Variants in RTTN observed in about 807,000 individuals in gnomAD.
The protein encoded by RTTN is rotatin.
Under a neutral mutation model 269.2 loss-of-function variants are expected in RTTN, and 182 were observed. The ratio of observed to expected loss-of-function variants is 0.68; its 90% CI spans 0.60 to 0.76. The LOEUF (loss-of-function observed/expected upper bound fraction) is 0.76, where lower values mean the gene tolerates loss of function less well. Ranked by LOEUF, RTTN falls within the 30% of genes least tolerant of loss-of-function variation. The probability of loss-of-function intolerance (pLI) is 0.00; values close to 1 mark genes in which losing one functional copy is unlikely to be tolerated. For missense variants in RTTN, 2,545 were observed against 2,608.6 expected (o/e 0.98, Z 0.53); for synonymous variants, 1,006 against 963.5 (o/e 1.04, Z -0.82).
At chr18:70,186,475 C>T (rs764695762) in intron 10 of RTTN, among the ~76,000 whole-genome samples, 8 of 152,218 alleles carry the variant, frequency 5.3e-5, no homozygotes, top group Non-Finnish European at 1.0e-4. Flanking sequence ...ATGGCTCAGC[C>T]GGGCGCGGTG....
chr18:70,138,154 C>T (rs897824786), intron 21 of RTTN: 5 of 152,378 alleles, frequency 3.3e-5, no homozygotes, highest in Non-Finnish European at 7.3e-5. Context: ...TGGCAGGCAC[C>T]TGTAATCCCA....
intron 18 of RTTN, 135 bp from the exon 19 acceptor site, chr18:70,142,522 T>C: frequency 1.6e-6 from 1 of 613,608 alleles, no homozygotes; most frequent in Non-Finnish European, 2.9e-6. Flanking sequence ...TAATTACAGG[T>C]AAATTCACAC....
intron 32 of RTTN, among the ~76,000 whole-genome samples, chr18:70,083,168 G>A (rs1286757675): frequency 6.6e-6 from 1 of 152,148 alleles, no homozygotes; most frequent in East Asian, 1.9e-4. Flanking sequence ...CCCCTGGTAG[G>A]AGTGCTAGAT....
At chr18:70,170,262 C>T (rs954208768) in intron 11 of RTTN, among the ~76,000 whole-genome samples, 3 of 152,162 alleles carry the variant, frequency 2.0e-5, no homozygotes, top group Non-Finnish European at 4.4e-5. Flanking sequence ...GTCCTGGGAA[C>T]CCAGCAGAGA....
At chr18:70,205,353 C>T (rs201212389) in intron 1 of RTTN, 38 bp from the exon 2 acceptor site, 5 of 1,608,692 alleles carry the variant, frequency 3.1e-6, no homozygotes, top group African/African-American at 1.3e-5. Flanking sequence ...TATTTCCCGA[C>T]TGCAAAGAGA....
intron 17 of RTTN, among the ~76,000 whole-genome samples, chr18:70,146,300 G>A (rs2060390728): frequency 6.6e-6 from 1 of 152,154 alleles, no homozygotes; most frequent in Non-Finnish European, 1.5e-5. Flanking sequence ...TCCTTATCTG[G>A]AAGGGATTAG....
intron 10 of RTTN, among the ~76,000 whole-genome samples, chr18:70,185,954 A>T (rs528601244): frequency 2.0e-4 from 30 of 151,316 alleles, no homozygotes; most frequent in African/African-American, 6.5e-4. Flanking sequence ...GTGTTTTTTT[A>T]AAAAAAAACC....
intron 39 of RTTN, among the ~76,000 whole-genome samples, chr18:70,049,201 T>C (rs1201083236): frequency 2.0e-5 from 3 of 152,224 alleles, no homozygotes; most frequent in African/African-American, 4.8e-5. Flanking sequence ...AGCAGCCATA[T>C]GCAATATGTA....
At chr18:70,012,922 TTTTTA>T (rs1321711055) in intron 46 of RTTN, among the ~76,000 whole-genome samples, 1 of 152,234 alleles carries the variant, frequency 6.6e-6, no homozygotes, top group Non-Finnish European at 1.5e-5. Flanking sequence ...TAATTCAATT[TTTTTA>T]TTTTAAGGGA....
At chr18:70,159,310 G>C (rs1457863393) in intron 14 of RTTN, among the ~76,000 whole-genome samples, 1 of 152,066 alleles carries the variant, frequency 6.6e-6, no homozygotes, top group Non-Finnish European at 1.5e-5. Flanking sequence ...CAATTACAGG[G>C]AACTTAAACA....
At chr18:70,186,831 A>G (rs1324248777) in intron 10 of RTTN, among the ~76,000 whole-genome samples, 1 of 152,154 alleles carries the variant, frequency 6.6e-6, no homozygotes, top group Non-Finnish European at 1.5e-5. Context: ...GAACACATGG[A>G]CCCAAAGAGG....
chr18:70,004,009 C>G lies in RTTN; in HGVS notation c.*142G>C, dbSNP rs897920226. The G allele has an allele frequency of 4.9e-5, 29 of 592,462 alleles. No homozygotes were observed. Among genetic ancestry groups the G allele is most frequent in the Admixed American group, 1.4e-4 (5 of 35,500 alleles). The allele number at this position is 592,462 out of a possible 1,614,324, so 36.7% of individuals were successfully genotyped here. The stretch of plus-strand genomic sequence containing the variant: ...GGACGGTGTTGGAGTATCACCAGTT[C>G]TCTCTCTCATGGGAAAGAAGGGGAT... On this transcript the variant is annotated 3_prime_UTR_variant, in exon 49 of 49. Transcript: ENST00000640769.
chr18:70,201,625 A>AAC (rs1380641604), intron 4 of RTTN, among the ~76,000 whole-genome samples: 1 of 150,116 alleles, frequency 6.7e-6, no homozygotes, highest in Non-Finnish European at 1.5e-5. Flanking sequence ...AAAAAAAAAA[A>AAC]AAAAAAAAAC....
intron 14 of RTTN, among the ~76,000 whole-genome samples, chr18:70,164,068 G>A (rs967802934): frequency 6.6e-6 from 1 of 152,102 alleles, no homozygotes; most frequent in Admixed American, 6.5e-5. Flanking sequence ...CTGGGAGAAG[G>A]GGAGAATGAG....
At chr18:70,201,209 G>C (rs535052479) in intron 4 of RTTN, among the ~76,000 whole-genome samples, 4 of 152,166 alleles carry the variant, frequency 2.6e-5, no homozygotes, top group African/African-American at 7.2e-5. Flanking sequence ...AAACTAAAAT[G>C]ATCTTCAGCC....
intron 36 of RTTN, among the ~76,000 whole-genome samples, chr18:70,059,459 A>G (rs1052210163): frequency 2.6e-5 from 4 of 152,202 alleles, no homozygotes; most frequent in African/African-American, 9.6e-5. Flanking sequence ...AATTTAACCA[A>G]TAATTTTTCA....
At chr18:70,047,331 A>G (rs1234361437) in intron 40 of RTTN, among the ~76,000 whole-genome samples, 1 of 152,250 alleles carries the variant, frequency 6.6e-6, no homozygotes, top group Non-Finnish European at 1.5e-5. Context: ...AAAACAATGT[A>G]CAACTTTAAC....
intron 8 of RTTN, among the ~76,000 whole-genome samples, chr18:70,191,055 A>C (rs993490901): frequency 6.6e-6 from 1 of 152,072 alleles, no homozygotes; most frequent in Non-Finnish European, 1.5e-5. Flanking sequence ...TTCGCTGGGC[A>C]TGGTGGCACA....
intron 32 of RTTN, among the ~76,000 whole-genome samples, chr18:70,079,914 C>G (rs1350044951): frequency 2.0e-5 from 3 of 151,848 alleles, no homozygotes; most frequent in Non-Finnish European, 2.9e-5. Flanking sequence ...GTAAGAATAA[C>G]ATTTAAGAAG....
Sources: allele counts gnomAD v4.1 joint callset (sites outside exome capture counted in the v4.1 genomes callset), GRCh38; gene constraint gnomAD v4.1.1; transcripts MANE v1.5; gene names NCBI Gene and HGNC (gene_info 2026-07-23, HGNC 2026-07-21).